Variants in OAS2 observed in about 807,000 individuals in gnomAD.
OAS2 encodes the protein 2'-5'-oligoadenylate synthetase 2.
In OAS2, 67 loss-of-function variants were observed where a neutral mutation model predicts 71.3. The observed-to-expected ratio is 0.94, with a 90% CI of 0.77 to 1.15. The LOEUF is 1.15. OAS2 is among the 50% of genes most tolerant of loss of function. The pLI is 0.00. For missense variants in OAS2, 789 were observed against 822.5 expected (o/e 0.96, Z 0.50); for synonymous variants, 327 against 321.8 (o/e 1.02, Z -0.17).
Position 113,004,971 on chromosome 12 carries a change from G to C in OAS2, c.1217G>C (p.Gly406Ala). Residue 406 changes from glycine (G) to alanine (A), a missense_variant, in exon 7 of 10, where the codon GGC (glycine) becomes GCC (alanine). Physicochemically the swap from Gly to Ala is moderately conservative, Grantham distance 60. Transcript: ENST00000392583. ...STAKGTALKT[G>A]SDADLVVFHN... ...GCCAAAGGCACAGCTCTGAAGACTG[G>C]CTCTGATGCCGATCTCGTCGTGTTC... 1 of 1,613,926 alleles carries C rather than the reference G, an allele frequency of 6.2e-7. No homozygotes were observed. The highest frequency in any genetic ancestry group is 8.5e-7 in the Non-Finnish European group (1 of 1,180,012).
At chr12:112,993,642 G>A (rs2044210285) in intron 2 of OAS2, among the ~76,000 whole-genome samples, 1 of 152,126 alleles carries the variant, frequency 6.6e-6, no homozygotes, top group Non-Finnish European at 1.5e-5. Flanking sequence ...CACTTTGGAA[G>A]GCCAAGGTGG....
At chr12:113,006,274 C>G in intron 7 of OAS2, 139 bp from the exon 8 acceptor site, 1 of 654,770 alleles carries the variant, frequency 1.5e-6, no homozygotes, top group South Asian at 4.1e-5. Flanking sequence ...CTCCCTGTGT[C>G]TTAGACATCA....
At chr12:113,000,508 A>C (rs2044273184) in intron 5 of OAS2, among the ~76,000 whole-genome samples, 1 of 138,838 alleles carries the variant, frequency 7.2e-6, no homozygotes, top group Non-Finnish European at 1.5e-5. Flanking sequence ...ACGTACATGC[A>C]TACACAAACA....
chr12:113,001,867 A>AG (rs2044293473), intron 5 of OAS2, among the ~76,000 whole-genome samples: 1 of 132,668 alleles, frequency 7.5e-6, no homozygotes, highest in Non-Finnish European at 1.6e-5. Context: ...TCTCTACAAA[A>AG]AAAAAAAAAA....
intron 1 of OAS2, among the ~76,000 whole-genome samples, chr12:112,984,170 C>T (rs2044109659): frequency 6.6e-6 from 1 of 152,150 alleles, no homozygotes; most frequent in Non-Finnish European, 1.5e-5. Flanking sequence ...CTGTTTAGCT[C>T]TAATATTTGC....
At chr12:112,992,447 G>C (rs2044201018) in intron 2 of OAS2, among the ~76,000 whole-genome samples, 1 of 147,444 alleles carries the variant, frequency 6.8e-6, no homozygotes, top group South Asian at 2.3e-4. Context: ...GAAGAGAGGG[G>C]AGGGGAAGGG....
intron 3 of OAS2, among the ~76,000 whole-genome samples, chr12:112,996,234 TG>T (rs2044231189): frequency 6.6e-6 from 1 of 152,168 alleles, no homozygotes; most frequent in South Asian, 2.1e-4. Context: ...ATTTTCAAAT[TG>T]GGGCAATTAT....
chr12:113,005,181 A>T lies in OAS2; in HGVS notation c.1427A>T (p.Glu476Val), dbSNP rs747595436. The T allele has an allele frequency of 6.2e-7, 1 of 1,613,958 alleles. No individual in the cohort carries two copies. The highest frequency in any genetic ancestry group is 8.5e-7 in the Non-Finnish European group (1 of 1,180,000). ...SFSLKSKVLN[E>V]SVSFDVLPAF... ...TCTCTGAAATCCAAAGTCCTCAACG[A>T]AAGTGTCAGCTTTGATGTGCTTCCT... Residue 476 changes from glutamate (E) to valine (V), a missense_variant, in exon 7 of 10, where the codon GAA becomes GTA. By Grantham distance (121) the Glu-to-Val change is moderately radical (BLOSUM62 -2). Coordinates refer to ENST00000392583, the MANE Select transcript of OAS2 (RefSeq NM_002535.3).
At chr12:112,997,491 T>A (rs1390569411) in intron 3 of OAS2, 29 bp from the exon 4 acceptor site, 6 of 1,582,720 alleles carry the variant, frequency 3.8e-6, no homozygotes, top group Middle Eastern at 1.7e-4. Flanking sequence ...GATCCCCCAA[T>A]GAGCTGCTAC....
intron 1 of OAS2, among the ~76,000 whole-genome samples, chr12:112,979,114 G>A (rs533702229): frequency 1.3e-5 from 2 of 152,334 alleles, no homozygotes; most frequent in African/African-American, 4.8e-5. Context: ...TACTCACTGC[G>A]ATTTTCTTCT....
chr12:112,993,597 T>A (rs1207930277), intron 2 of OAS2, among the ~76,000 whole-genome samples: 1 of 151,874 alleles, frequency 6.6e-6, no homozygotes, highest in African/African-American at 2.4e-5. Flanking sequence ...AATGTGTTTA[T>A]GGGCCAGGGA....
At chr12:112,982,820 G>A (rs1427957784) in intron 1 of OAS2, among the ~76,000 whole-genome samples, 1 of 152,118 alleles carries the variant, frequency 6.6e-6, no homozygotes, top group Non-Finnish European at 1.5e-5. Flanking sequence ...ATTCTTTGTT[G>A]AGGAGTTTTT....
chr12:113,002,809 C>A (rs1416971270), intron 5 of OAS2, 123 bp from the exon 6 acceptor site: 2 of 788,204 alleles, frequency 2.5e-6, no homozygotes, highest in Non-Finnish European at 4.2e-6. Flanking sequence ...GGAAAAGATG[C>A]CAGCCCACGA....
intron 6 of OAS2, among the ~76,000 whole-genome samples, chr12:113,003,986 C>T (rs73432801): frequency 6.6e-6 from 1 of 152,320 alleles, no homozygotes; most frequent in African/African-American, 2.4e-5. Context: ...GCTTTCTCCT[C>T]TCCTTCCTGA....
At chr12:113,008,925 G>A (rs2044357084) in intron 9 of OAS2, among the ~76,000 whole-genome samples, 162 bp from the exon 10 acceptor site, 1 of 152,148 alleles carries the variant, frequency 6.6e-6, no homozygotes, top group South Asian at 2.1e-4. Context: ...ACTGCACGCG[G>A]CCTCTAGAAA....
chr12:112,996,396 T>C (rs558485985), intron 3 of OAS2, among the ~76,000 whole-genome samples: 1 of 152,246 alleles, frequency 6.6e-6, no homozygotes, highest in South Asian at 2.1e-4. Context: ...ATATATAAAA[T>C]ATATATGTAG....
At position 113,006,480 on chromosome 12, in the gene OAS2, C is replaced by T. The variant is rs16942424; in HGVS notation, c.1536C>T (p.Ser512=). The change falls in exon 8 of 10, where the codon TCC becomes TCT. Residue 512 remains serine, a synonymous_variant. Coordinates refer to ENST00000392583, the MANE Select transcript of OAS2 (RefSeq NM_002535.3). ...VYAGLIDLYK[S]SDLPGGEFST... is the part of the protein sequence containing the mutation. ...CAGGGCTCATTGATCTGTATAAATC[C>T]TCGGACCTCCCGGGAGGAGAGTTTT... The T allele has an allele frequency of 6.2e-3, 10,079 of 1,613,438 alleles. 412 individuals carry two copies. In the African/African-American group the frequency reaches 0.1, roughly 16 times the overall value.
chr12:112,988,350 G>A (rs2044159884), intron 2 of OAS2: 3 of 463,338 alleles, frequency 6.5e-6, no homozygotes, highest in African/African-American at 2.1e-5. Context: ...GCCACGTGGT[G>A]GAAGAAGATT....
At chr12:112,990,108 C>A (rs1352099325) in intron 2 of OAS2, among the ~76,000 whole-genome samples, 1 of 152,208 alleles carries the variant, frequency 6.6e-6, no homozygotes, top group East Asian at 1.9e-4. Flanking sequence ...CCTCTAATGG[C>A]TTTTCACTGC....
Sources: gnomAD v4.1 joint callset for allele counts (sites outside exome capture counted in the v4.1 genomes callset) on GRCh38, gnomAD v4.1.1 for gene constraint, MANE v1.5 for transcripts, NCBI Gene and HGNC (gene_info 2026-07-23, HGNC 2026-07-21) for gene names.